The following COL4A3 variants were observed in gnomAD, a reference collection of about 807,000 sequenced individuals.
COL4A3 encodes the protein collagen type IV alpha 3 chain, also known as collagen alpha-3(IV) chain.
In COL4A3, 135 loss-of-function variants were observed where a neutral mutation model predicts 217.4. That is an observed-to-expected ratio of 0.62 (90% CI 0.54 to 0.72). The LOEUF is 0.72. Among genes scored for constraint, COL4A3 ranks in the 30% least tolerant of loss-of-function variants. The pLI is 0.00. For missense variants in COL4A3, 1,868 were observed against 2,119.9 expected (o/e 0.88, Z 2.33); for synonymous variants, 690 against 736.3 (o/e 0.94, Z 1.02).
At chr2:227,220,136 A>ATGTGTGTGTGTG (rs35199710) in intron 1 of COL4A3, among the ~76,000 whole-genome samples, 3,753 of 127,078 alleles carry the variant, frequency 0.03, 64 homozygotes, top group Middle Eastern at 0.06. Flanking sequence ...AGGCGGTTTT[A>ATGTGTGTGTGTG]TGTGTGTGTG....
chr2:227,277,593 A>T lies in COL4A3; in HGVS notation c.2125+40A>T, dbSNP rs1380314361. On this transcript the variant is annotated intron_variant, in intron 28 of 51. Transcript: ENST00000396578. ...TTTTCAAACATAAAGTTTGTTGTGG[A>T]TATTTAGAAGATGTTCATATGTATA... 7 of 1,231,204 alleles carry T rather than the reference A, an allele frequency of 5.7e-6. No homozygotes were observed. The South Asian group carries it at 8.9e-5, about 16-fold the overall frequency. The allele number at this position is 1,231,204 out of a possible 1,614,324, so 76.3% of individuals were successfully genotyped here.
At chr2:227,203,956 C>G (rs183452586) in intron 1 of COL4A3, among the ~76,000 whole-genome samples, 1 of 152,116 alleles carries the variant, frequency 6.6e-6, no homozygotes, top group East Asian at 1.9e-4. Flanking sequence ...AGCTCCCAGA[C>G]CAGTACCAGG....
intron 33 of COL4A3, 81 bp downstream of exon 33, chr2:227,283,937 A>C: frequency 1.6e-6 from 2 of 1,278,930 alleles, no homozygotes; most frequent in Non-Finnish European, 1.1e-6. Context: ...GTTATGTTTC[A>C]TTGGAGGGAA....
intron 46 of COL4A3, 193 bp downstream of exon 46, chr2:227,304,337 C>A: frequency 1.5e-6 from 1 of 661,114 alleles, no homozygotes; most frequent in Non-Finnish European, 2.6e-6. Context: ...CTATTGAAAG[C>A]AGTTGTTCAT....
At chr2:227,296,302 C>A in intron 41 of COL4A3, 1 of 157,008 alleles carries the variant, frequency 6.4e-6, no homozygotes, top group Non-Finnish European at 1.4e-5. Flanking sequence ...GAATTTTGGT[C>A]AAAAGGAGAG....
intron 1 of COL4A3, among the ~76,000 whole-genome samples, chr2:227,210,547 A>G (rs1045199647): frequency 6.6e-6 from 1 of 152,142 alleles, no homozygotes; most frequent in African/African-American, 2.4e-5. Context: ...CCGAGACCGA[A>G]CCACTGCACA....
At position 227,305,089 on chromosome 2, in the gene COL4A3, C is replaced by T; in HGVS notation, c.4252+6C>T. 6.2e-7 allele frequency: 1 copy of T among 1,612,140 alleles called. No homozygotes were observed. The highest frequency in any genetic ancestry group is 8.5e-7 in the Non-Finnish European group (1 of 1,178,710). ...AGGTTCTAAAGGAGAGCCAGGTAAACCCCCAGCTTGTTTCCTCACCGAAGA... is the reference window on the plus strand; with the variant it reads ...AGGTTCTAAAGGAGAGCCAGGTAAATCCCCAGCTTGTTTCCTCACCGAAGA... On this transcript the variant is annotated splice_donor_region_variant and intron_variant, in intron 47 of 51. Coordinates refer to ENST00000396578, the MANE Select transcript of COL4A3 (RefSeq NM_000091.5).
At chr2:227,241,517 T>C (rs1342009806) in intron 3 of COL4A3, among the ~76,000 whole-genome samples, 1 of 151,946 alleles carries the variant, frequency 6.6e-6, no homozygotes, top group African/African-American at 2.4e-5. Context: ...CTACCAAAAA[T>C]ACAAAAATTA....
chr2:227,256,385 G>T lies in COL4A3; in HGVS notation c.976G>T (p.Asp326Tyr), dbSNP rs55703767. ...NRGFPGLMGE[D>Y]GIKGQKGDIG... Reference sequence around the variant, plus strand: ...GGGTTTCCCTGGGTTAATGGGTGAAGATGGCATTAAGGTAATCCTCTCCCT... The same window carrying T: ...GGGTTTCCCTGGGTTAATGGGTGAATATGGCATTAAGGTAATCCTCTCCCT... Residue 326 changes from aspartate (D) to tyrosine (Y), a missense_variant, in exon 17 of 52, where the codon GAT becomes TAT. By Grantham distance (160) the Asp-to-Tyr change is radical. Coordinates refer to ENST00000396578, the MANE Select transcript of COL4A3 (RefSeq NM_000091.5). 307,921 of 1,610,916 alleles carry T rather than the reference G, an allele frequency of 0.19. 31,711 individuals carry two copies. Among genetic ancestry groups the T allele is most frequent in the Middle Eastern group, 0.21 (1,288 of 6,022 alleles).
At chr2:227,174,751 C>T (rs2065615335) in intron 1 of COL4A3, among the ~76,000 whole-genome samples, 1 of 152,192 alleles carries the variant, frequency 6.6e-6, no homozygotes, top group Non-Finnish European at 1.5e-5. Flanking sequence ...AAGTGATCCG[C>T]TCACCTTGGC....
chr2:227,297,707 C>T lies in COL4A3; in HGVS notation c.3599C>T (p.Pro1200Leu). The T allele has an allele frequency of 6.2e-7, 1 of 1,609,050 alleles. No homozygotes were observed. Among genetic ancestry groups the T allele is most frequent in the South Asian group, 1.1e-5 (1 of 89,346 alleles). ...GGAGACAGGGGAGCCCCAGGTTTTCCTGGCCTCCCGGGCAGAAAAGGGGCC... is the reference window on the plus strand; with the variant it reads ...GGAGACAGGGGAGCCCCAGGTTTTCTTGGCCTCCCGGGCAGAAAAGGGGCC... ...AKGDRGAPGF[P>L]GLPGRKGAMG... The change falls in exon 42 of 52, where the codon CCT (proline) becomes CTT (leucine). Residue 1200 changes from proline (P) to leucine (L), a missense_variant. By Grantham distance (98) the Pro-to-Leu change is moderately conservative. This residue lies in a region of COL4A3 where 1,503 missense variants were observed against 1,786.1 expected (regional missense o/e 0.84). Coordinates refer to ENST00000396578, the MANE Select transcript of COL4A3 (RefSeq NM_000091.5).
intron 1 of COL4A3, among the ~76,000 whole-genome samples, chr2:227,183,293 G>C (rs1296203139): frequency 2.6e-5 from 4 of 152,102 alleles, no homozygotes; most frequent in African/African-American, 9.7e-5. Context: ...TCTCATTCTG[G>C]GGCCTCCAGG....
At chr2:227,175,983 G>T (rs2065661399) in intron 1 of COL4A3, among the ~76,000 whole-genome samples, 1 of 152,130 alleles carries the variant, frequency 6.6e-6, no homozygotes, top group Non-Finnish European at 1.5e-5. Context: ...GCCAAATGTG[G>T]CTGTGAAGCC....
chr2:227,198,044 C>A (rs893230791), intron 1 of COL4A3, among the ~76,000 whole-genome samples: 3 of 152,210 alleles, frequency 2.0e-5, no homozygotes, highest in Admixed American at 2.0e-4. Flanking sequence ...GTCAAAATGC[C>A]AAATCCCTTG....
chr2:227,244,756 T>C, intron 4 of COL4A3, 195 bp from the exon 5 acceptor site: 1 of 761,408 alleles, frequency 1.3e-6, no homozygotes, highest in South Asian at 1.5e-5. Flanking sequence ...TGATATCTTT[T>C]TAAGAGTTAC....
At chr2:227,166,430 T>G (rs1426209942) in intron 1 of COL4A3, among the ~76,000 whole-genome samples, 1 of 152,222 alleles carries the variant, frequency 6.6e-6, no homozygotes, top group Non-Finnish European at 1.5e-5. Context: ...GGTTTGCACA[T>G]GTTTCTGAAT....
At chr2:227,311,380 C>CTTTTTTTTTTT (rs11286889) in intron 51 of COL4A3, among the ~76,000 whole-genome samples, 1 of 141,742 alleles carries the variant, frequency 7.1e-6, no homozygotes, top group Non-Finnish European at 1.6e-5. Flanking sequence ...AATTTCTCTC[C>CTTTTTTTTTTT]TTTTTTTTTT....
At chr2:227,171,447 A>C (rs1334111862) in intron 1 of COL4A3, among the ~76,000 whole-genome samples, 1 of 152,176 alleles carries the variant, frequency 6.6e-6, no homozygotes, top group African/African-American at 2.4e-5. Flanking sequence ...ATGTTTGCTG[A>C]CACCTCTAAA....
At chr2:227,277,251 G>T (rs547097758) in intron 27 of COL4A3, among the ~76,000 whole-genome samples, 198 bp from the exon 28 acceptor site, 1 of 151,598 alleles carries the variant, frequency 6.6e-6, no homozygotes, top group Non-Finnish European at 1.5e-5. Context: ...CCCAGGAGGC[G>T]GAGCTTGCAA....
Sources: allele counts gnomAD v4.1 joint callset (sites outside exome capture counted in the v4.1 genomes callset), GRCh38; gene constraint gnomAD v4.1.1; regional missense constraint gnomAD v4.1.1; transcripts MANE v1.5; gene names NCBI Gene and HGNC (gene_info 2026-07-23, HGNC 2026-07-21).